Variants in NOL4 observed in about 807,000 individuals in gnomAD.
The protein encoded by NOL4 is nucleolar protein 4, also known as cancer/testis antigen 125.
In NOL4, 17 loss-of-function variants were observed where a neutral mutation model predicts 75.9. The observed-to-expected ratio is 0.22, with a 90% CI of 0.15 to 0.34. NOL4 has a LOEUF of 0.34. Among genes scored for constraint, NOL4 ranks in the 10% least tolerant of loss-of-function variants. The pLI is 1.00. For synonymous variants in NOL4, 292 were observed against 289.9 expected (o/e 1.01, Z -0.07); for missense variants, 614 against 793.5 (o/e 0.77, Z 2.72).
At chr18:34,049,848 CTA>C (rs535202255) in intron 5 of NOL4, among the ~76,000 whole-genome samples, 201 of 152,184 alleles carry the variant, frequency 1.3e-3, no homozygotes, top group African/African-American at 4.5e-3. Flanking sequence ...GTGTGAGAAT[CTA>C]TATGTTAGTC....
intron 9 of NOL4, among the ~76,000 whole-genome samples, chr18:33,935,109 T>C (rs1022740719): frequency 6.6e-6 from 1 of 152,034 alleles, no homozygotes; most frequent in African/African-American, 2.4e-5. Context: ...AAGCAGTCCT[T>C]CCACCTTGGC....
chr18:34,068,975 A>C (rs1032848413), intron 5 of NOL4, among the ~76,000 whole-genome samples: 9 of 152,188 alleles, frequency 5.9e-5, no homozygotes, highest in Non-Finnish European at 1.0e-4. Context: ...TTTTATAGCA[A>C]TACTCAGAAT....
chr18:33,938,696 A>G (rs149341986), intron 9 of NOL4, among the ~76,000 whole-genome samples: 3,954 of 152,180 alleles, frequency 0.026, 64 homozygotes, highest in Non-Finnish European at 0.028. Flanking sequence ...AGATGGATAG[A>G]TTGCAAAAAT....
chr18:34,054,300 T>C (rs951397493), intron 5 of NOL4, among the ~76,000 whole-genome samples: 1 of 151,942 alleles, frequency 6.6e-6, no homozygotes, highest in African/African-American at 2.4e-5. Context: ...AAGTGGGGTA[T>C]TGAAGTCTCC....
At chr18:33,923,381 A>G (rs1008744963) in intron 9 of NOL4, among the ~76,000 whole-genome samples, 2 of 151,944 alleles carry the variant, frequency 1.3e-5, no homozygotes, top group East Asian at 1.9e-4. Context: ...CATCATTGAA[A>G]TAGAATTTTT....
intron 5 of NOL4, among the ~76,000 whole-genome samples, chr18:34,024,194 A>AAAAAAAAATATATATAT: frequency 1.4e-5 from 1 of 70,698 alleles, no homozygotes; most frequent in Non-Finnish European, 3.1e-5. Context: ...AAAAAAAAAA[A>AAAAAAAAATATATATAT]ATATATATAT....
rs111998510 is a variant in NOL4 at position 33,903,148 on chromosome 18, T to C, written c.1543-19724A>G. Among the ~76,000 whole-genome samples, 680 of 152,282 alleles carry C rather than the reference T, an allele frequency of 4.5e-3. 5 individuals are homozygous for C. The highest frequency in any genetic ancestry group is 0.014 in the Middle Eastern group (4 of 294). On this transcript the variant is annotated intron_variant, in intron 9 of 10. Transcript: ENST00000261592. Reference sequence around the variant, plus strand: ...AAGAGAGTTAATTGACTCACAATTCTGTATGGCTGGGGAGGCCTCAGGAAA... The same window carrying C: ...AAGAGAGTTAATTGACTCACAATTCCGTATGGCTGGGGAGGCCTCAGGAAA...
At chr18:34,070,884 T>C (rs1401409443) in intron 5 of NOL4, among the ~76,000 whole-genome samples, 1 of 152,114 alleles carries the variant, frequency 6.6e-6, no homozygotes, top group African/African-American at 2.4e-5. Flanking sequence ...TTATAATTTA[T>C]GAACAAGTGT....
chr18:34,103,519 G>C (rs1010706043), intron 4 of NOL4, among the ~76,000 whole-genome samples: 3 of 151,846 alleles, frequency 2.0e-5, no homozygotes, highest in Non-Finnish European at 4.4e-5. Flanking sequence ...AATTAAGAAT[G>C]ACCACAGATT....
intron 1 of NOL4, among the ~76,000 whole-genome samples, chr18:34,139,681 A>T (rs2081058544): frequency 6.6e-6 from 1 of 151,938 alleles, no homozygotes; most frequent in Non-Finnish European, 1.5e-5. Flanking sequence ...TATATCCTTC[A>T]GTTCCGCTCT....
At chr18:33,963,754 C>A (rs1371452375) in intron 6 of NOL4, among the ~76,000 whole-genome samples, 2 of 152,124 alleles carry the variant, frequency 1.3e-5, no homozygotes, top group South Asian at 2.1e-4. Context: ...TCTGAGAATA[C>A]ATTTGACCTT....
intron 2 of NOL4, among the ~76,000 whole-genome samples, chr18:34,126,644 T>C (rs1278609542): frequency 6.6e-6 from 1 of 152,034 alleles, no homozygotes; most frequent in Non-Finnish European, 1.5e-5. Context: ...TGTGATATAA[T>C]ACAATTGATA....
intron 9 of NOL4, among the ~76,000 whole-genome samples, chr18:33,886,597 T>C (rs1249198878): frequency 1.3e-5 from 2 of 150,344 alleles, no homozygotes; most frequent in Non-Finnish European, 3.0e-5. Flanking sequence ...AGGGTGACTA[T>C]AGTCAATAAT....
intron 9 of NOL4, among the ~76,000 whole-genome samples, chr18:33,903,131 T>G (rs2065838872): frequency 6.6e-6 from 1 of 152,160 alleles, no homozygotes; most frequent in Non-Finnish European, 1.5e-5. Context: ...AAAAGAGAGT[T>G]AATTGACTCA....
chr18:34,085,769 C>A (rs983132215), intron 5 of NOL4, among the ~76,000 whole-genome samples: 1 of 152,114 alleles, frequency 6.6e-6, no homozygotes, highest in African/African-American at 2.4e-5. Context: ...AACTAAACAT[C>A]ATTTTTCATA....
intron 4 of NOL4, among the ~76,000 whole-genome samples, chr18:34,095,126 T>A (rs1259852196): frequency 6.6e-6 from 1 of 152,136 alleles, no homozygotes. Context: ...GCACTAGCTC[T>A]TCATTAAGTC....
At position 33,893,911 on chromosome 18, in the gene NOL4, C is replaced by T. The variant is rs1032746705; in HGVS notation, c.1543-10487G>A. 3.9e-5 allele frequency among the ~76,000 whole-genome samples: 6 copies of T among 152,062 alleles called. No individual in the cohort carries two copies. The South Asian group carries it at 1.0e-3, about 26-fold the overall frequency. ...AATATTACCACTGTAAAATAGTAAA[C>T]AAGTGGATAATGAAGGCCTCAGTTT... On this transcript the variant is annotated intron_variant, in intron 9 of 10. Transcript: ENST00000261592.
At chr18:34,197,877 A>G (rs894817058) in intron 1 of NOL4, among the ~76,000 whole-genome samples, 1 of 151,990 alleles carries the variant, frequency 6.6e-6, no homozygotes, top group Non-Finnish European at 1.5e-5. Context: ...AGAGCTTCAG[A>G]GATTTATGGG....
At chr18:34,086,953 C>T (rs1023938070) in intron 5 of NOL4, among the ~76,000 whole-genome samples, 2 of 152,152 alleles carry the variant, frequency 1.3e-5, no homozygotes, top group Admixed American at 6.6e-5. Flanking sequence ...TAGGAATGAA[C>T]TTACATGCTA....
Sources: allele counts gnomAD v4.1 joint callset (sites outside exome capture counted in the v4.1 genomes callset), GRCh38; gene constraint gnomAD v4.1.1; transcripts MANE v1.5; gene names NCBI Gene and HGNC (gene_info 2026-07-23, HGNC 2026-07-21).